MBD5: variants seen among roughly 807,000 people sequenced by gnomAD.
The protein encoded by MBD5 is methyl-CpG binding domain protein 5, also known as methyl-CpG-binding domain protein 5.
A neutral mutation model predicts 117.3 loss-of-function variants in MBD5; 13 were observed. The ratio of observed to expected loss-of-function variants is 0.11; its 90% confidence interval spans 0.07 to 0.18. MBD5 has a LOEUF of 0.18. Among genes scored for constraint, MBD5 ranks in the 10% least tolerant of loss-of-function variants. The probability of loss-of-function intolerance (pLI) is 1.00; values close to 1 mark genes in which losing one functional copy is unlikely to be tolerated. For missense variants in MBD5, 1,879 were observed against 2,093.8 expected (o/e 0.90, Z 2.00); for synonymous variants, 727 against 766.4 (o/e 0.95, Z 0.85).
chr2:148,287,236 C>T (rs958909547), intron 3 of MBD5, among the ~76,000 whole-genome samples: 1 of 152,126 alleles, frequency 6.6e-6, no homozygotes, highest in Non-Finnish European at 1.5e-5. Flanking sequence ...TCATTAACTC[C>T]ATGAAATCCC....
chr2:148,398,068 A>G (rs1281730085), intron 4 of MBD5, among the ~76,000 whole-genome samples: 12 of 152,120 alleles, frequency 7.9e-5, no homozygotes, highest in Middle Eastern at 3.4e-3. Context: ...GGACATTTGG[A>G]TTGGTTCCAA....
intron 1 of MBD5, among the ~76,000 whole-genome samples, chr2:148,061,438 A>C (rs1318360935): frequency 2.6e-5 from 4 of 151,896 alleles, no homozygotes; most frequent in African/African-American, 9.7e-5. Context: ...CCCTCTACAT[A>C]ATTGACATCA....
intron 3 of MBD5, among the ~76,000 whole-genome samples, chr2:148,313,313 G>C (rs181311930): frequency 6.6e-6 from 1 of 152,208 alleles, no homozygotes; most frequent in African/African-American, 2.4e-5. Context: ...ATAAGCCCCT[G>C]ACTGGGGCTG....
chr2:148,186,061 C>T (rs1250446166), intron 2 of MBD5, among the ~76,000 whole-genome samples: 2 of 152,214 alleles, frequency 1.3e-5, no homozygotes, highest in Non-Finnish European at 2.9e-5. Flanking sequence ...CTGGAGCTGG[C>T]AGTTGAATCA....
chr2:148,343,338 A>G (rs916054508), intron 4 of MBD5, among the ~76,000 whole-genome samples: 1 of 152,112 alleles, frequency 6.6e-6, no homozygotes, highest in Non-Finnish European at 1.5e-5. Flanking sequence ...AAGTTCTTTA[A>G]GAAATCTCCA....
chr2:148,309,448 G>A (rs1171227801), intron 3 of MBD5, among the ~76,000 whole-genome samples: 1 of 152,036 alleles, frequency 6.6e-6, no homozygotes, highest in Non-Finnish European at 1.5e-5. Flanking sequence ...TGATTAGGCT[G>A]TCTGTCTGTT....
chr2:148,126,592 G>A (rs994838256), intron 1 of MBD5, among the ~76,000 whole-genome samples: 1 of 152,028 alleles, frequency 6.6e-6, no homozygotes, highest in Non-Finnish European at 1.5e-5. Context: ...AGGGAAAAAC[G>A]AAGCAATCCT....
At chr2:148,141,923 C>A (rs528059060) in intron 1 of MBD5, among the ~76,000 whole-genome samples, 1 of 152,056 alleles carries the variant, frequency 6.6e-6, no homozygotes, top group Non-Finnish European at 1.5e-5. Flanking sequence ...CTGCCATGAC[C>A]TATGATTGTG....
chr2:148,044,726 G>A (rs765664122), intron 1 of MBD5: 3 of 152,050 alleles, frequency 2.0e-5, no homozygotes, highest in South Asian at 2.1e-4. Flanking sequence ...ATTAAAATTA[G>A]TTCAGTAAAT....
intron 3 of MBD5, among the ~76,000 whole-genome samples, chr2:148,297,636 A>C (rs1007553851): frequency 5.3e-5 from 8 of 151,970 alleles, no homozygotes; most frequent in Non-Finnish European, 1.0e-4. Context: ...GTTTATTCTG[A>C]CTCCAGGAAG....
At chr2:148,288,553 G>T (rs191267969) in intron 3 of MBD5, among the ~76,000 whole-genome samples, 59 of 151,852 alleles carry the variant, frequency 3.9e-4, no homozygotes, top group African/African-American at 1.4e-3. Flanking sequence ...TCATAGCTAT[G>T]AACCAAAATA....
chr2:148,176,102 A>G (rs1194712163), intron 1 of MBD5, among the ~76,000 whole-genome samples: 1 of 152,154 alleles, frequency 6.6e-6, no homozygotes. Flanking sequence ...TAAACTGTGG[A>G]TTGATTTGAA....
chr2:148,411,642 G>A (rs1371512447), intron 4 of MBD5, among the ~76,000 whole-genome samples: 2 of 147,200 alleles, frequency 1.4e-5, no homozygotes, highest in Non-Finnish European at 3.0e-5. Flanking sequence ...TTGGTTCCTT[G>A]GAAGTCTTCT....
At chr2:148,481,465 T>C (rs1432887952) in intron 8 of MBD5, among the ~76,000 whole-genome samples, 1 of 152,192 alleles carries the variant, frequency 6.6e-6, no homozygotes, top group Non-Finnish European at 1.5e-5. Context: ...TAGCCCAAAA[T>C]GTTTGAGTTA....
At chr2:148,174,504 G>T (rs1286061746) in intron 1 of MBD5, among the ~76,000 whole-genome samples, 4 of 151,982 alleles carry the variant, frequency 2.6e-5, no homozygotes, top group Admixed American at 6.5e-5. Flanking sequence ...ACAATGTACA[G>T]AGACAGCCTA....
At chr2:148,217,489 A>G (rs1699585567) in intron 2 of MBD5, among the ~76,000 whole-genome samples, 1 of 152,214 alleles carries the variant, frequency 6.6e-6, no homozygotes, top group Non-Finnish European at 1.5e-5. Context: ...GCGCTGGGCA[A>G]CTGGCCCCTG....
intron 3 of MBD5, among the ~76,000 whole-genome samples, chr2:148,284,168 C>G (rs1259503932): frequency 6.6e-6 from 1 of 152,110 alleles, no homozygotes; most frequent in Non-Finnish European, 1.5e-5. Flanking sequence ...ACATAGAGAG[C>G]TTCTTCATTT....
At position 148,441,104 on chromosome 2, in the gene MBD5, AT is replaced by A. The variant is rs201043390; in HGVS notation, c.-556-17090del. 7.0e-3 allele frequency among the ~76,000 whole-genome samples: 1,059 copies of A among 151,390 alleles called. 14 individuals are homozygous for A. The highest frequency in any genetic ancestry group is 0.033 in the Admixed American group (506 of 15,202). ...AGCTCTATTCCTAAGTGTTATTTTA[AT>A]TTTTTTTTATTTATTATACTTTAAG... On this transcript the variant is annotated intron_variant, in intron 4 of 13. Transcript: ENST00000642680.
At chr2:148,230,826 G>A (rs1355943661) in intron 2 of MBD5, among the ~76,000 whole-genome samples, 1 of 152,112 alleles carries the variant, frequency 6.6e-6, no homozygotes, top group Non-Finnish European at 1.5e-5. Context: ...TGCCCAGGGT[G>A]TGTCTAGAAA....
Sources: gnomAD v4.1 joint callset for allele counts (sites outside exome capture counted in the v4.1 genomes callset) on GRCh38, gnomAD v4.1.1 for gene constraint, MANE v1.5 for transcripts, NCBI Gene and HGNC (gene_info 2026-07-23, HGNC 2026-07-21) for gene names.